CEP57L1: variants seen among roughly 807,000 people sequenced by gnomAD.
CEP57L1 encodes centrosomal protein CEP57L1.
In CEP57L1, 37 loss-of-function variants were observed where a neutral mutation model predicts 61.0. The ratio of observed to expected loss-of-function variants is 0.61; its 90% CI spans 0.47 to 0.80. The LOEUF (loss-of-function observed/expected upper bound fraction) is 0.80. Ranked by LOEUF, CEP57L1 falls within the 30% of genes least tolerant of loss-of-function variation. CEP57L1 has a pLI of 0.00. For synonymous variants in CEP57L1, 137 were observed against 162.3 expected, an observed-to-expected ratio of 0.84 and a Z score of 1.19; for missense variants, 422 against 524.7, an observed-to-expected ratio of 0.80 and a Z score of 1.91.
chr6:109,138,549 A>G (rs1329053349), intron 1 of CEP57L1, among the ~76,000 whole-genome samples: 1 of 152,218 alleles, frequency 6.6e-6, no homozygotes. Context: ...TGATCAAAGA[A>G]CATGAACTTC....
At chr6:109,153,231 CTTTTTTTTTTTT>C (rs34538762) in intron 4 of CEP57L1, among the ~76,000 whole-genome samples, 6 of 79,018 alleles carry the variant, frequency 7.6e-5, no homozygotes, top group African/African-American at 1.4e-4. Context: ...CTAATCTGCA[CTTTTTTTTTTTT>C]TTTTTTTTTT....
At chr6:109,136,561 T>A (rs1386453904) in intron 1 of CEP57L1, among the ~76,000 whole-genome samples, 103 of 138,076 alleles carry the variant, frequency 7.5e-4, no homozygotes, top group East Asian at 1.0e-3. Context: ...ACTATAAGTA[T>A]AAAAAAAAAA....
chr6:109,124,971 T>C (rs534452684), intron 1 of CEP57L1: 1 of 152,202 alleles, frequency 6.6e-6, no homozygotes, highest in East Asian at 1.9e-4. Context: ...GATTGCTTTG[T>C]TGTTTCTTAT....
chr6:109,169,285 T>C lies in CEP57L1; in HGVS notation c.*6315T>C, dbSNP rs1774297347. 6.6e-6 allele frequency among the ~76,000 whole-genome samples: 1 copy of C among 151,816 alleles called. No individual in the cohort carries two copies. Among genetic ancestry groups the C allele is most frequent in the Non-Finnish European group, 1.5e-5 (1 of 67,972 alleles). On this transcript the variant is annotated 3_prime_UTR_variant, in exon 11 of 11. Transcript: ENST00000517392. ...TCACACATAATTAAGGTAGCTTATG[T>C]TTTGTGAAACTTTGTGAGTACGGGT...
chr6:109,166,146 A>G lies in CEP57L1; in HGVS notation c.*3176A>G, dbSNP rs1774085416. Reference sequence around the variant, plus strand: ...CCCAGCCATTTTTATTAGGTTGTAGATAAAGACAGGAGGGTCAGAGGGAAA... The same window carrying G: ...CCCAGCCATTTTTATTAGGTTGTAGGTAAAGACAGGAGGGTCAGAGGGAAA... On this transcript the variant is annotated 3_prime_UTR_variant, in exon 11 of 11. Transcript: ENST00000517392. 6.6e-6 allele frequency among the ~76,000 whole-genome samples: 1 copy of G among 152,200 alleles called. No homozygotes were observed. The highest frequency in any genetic ancestry group is 6.5e-5 in the Admixed American group (1 of 15,288).
intron 1 of CEP57L1, among the ~76,000 whole-genome samples, chr6:109,107,945 AAAAG>A (rs1002352689): frequency 6.6e-6 from 1 of 152,240 alleles, no homozygotes; most frequent in African/African-American, 2.4e-5. Flanking sequence ...TGTATCAAAA[AAAAG>A]AAAAGAAAAA....
At chr6:109,111,084 A>G (rs891539511) in intron 1 of CEP57L1, among the ~76,000 whole-genome samples, 1 of 152,134 alleles carries the variant, frequency 6.6e-6, no homozygotes, top group African/African-American at 2.4e-5. Flanking sequence ...TAGCTTGATC[A>G]GGATAGCATT....
chr6:109,101,617 TTTTTTC>T (rs1782416105), intron 1 of CEP57L1, among the ~76,000 whole-genome samples: 2 of 126,784 alleles, frequency 1.6e-5, no homozygotes, highest in Admixed American at 7.5e-5. Context: ...TTTCTTTTTC[TTTTTTC>T]TTTTTTTTTT....
intron 1 of CEP57L1, among the ~76,000 whole-genome samples, chr6:109,134,375 A>C (rs1403446761): frequency 6.6e-6 from 1 of 152,214 alleles, no homozygotes; most frequent in African/African-American, 2.4e-5. Context: ...CTTCATGCTA[A>C]AAACTCTCAA....
intron 4 of CEP57L1, among the ~76,000 whole-genome samples, chr6:109,150,468 C>T (rs1172540078): frequency 6.6e-6 from 1 of 151,868 alleles, no homozygotes; most frequent in Non-Finnish European, 1.5e-5. Flanking sequence ...AAATTACTAG[C>T]CTGGCCAACA....
chr6:109,171,951 A>G lies in CEP57L1; in HGVS notation c.*8981A>G, dbSNP rs1226825938. Reference sequence around the variant, plus strand: ...CTGTTTTTGTTGTTAACCTTACCTCAGTGTTTTATCTCGGGTGGTCCCCAA... The same window carrying G: ...CTGTTTTTGTTGTTAACCTTACCTCGGTGTTTTATCTCGGGTGGTCCCCAA... On this transcript the variant is annotated 3_prime_UTR_variant, in exon 11 of 11. Transcript: ENST00000517392. 6.6e-6 allele frequency among the ~76,000 whole-genome samples: 1 copy of G among 152,076 alleles called. No individual in the cohort carries two copies. Among genetic ancestry groups the G allele is most frequent in the Non-Finnish European group, 1.5e-5 (1 of 68,004 alleles).
intron 1 of CEP57L1, among the ~76,000 whole-genome samples, chr6:109,136,507 A>G (rs997245839): frequency 4.6e-5 from 7 of 151,660 alleles, no homozygotes; most frequent in Non-Finnish European, 2.9e-5. Context: ...TGGCACATGT[A>G]TACATATGTA....
In CEP57L1 at chr6:109,169,383, AT is replaced by A. The variant is rs1383705900; in HGVS notation, c.*6414del. 6.6e-6 allele frequency among the ~76,000 whole-genome samples: 1 copy of A among 152,178 alleles called. No individual in the cohort carries two copies. The highest frequency in any genetic ancestry group is 2.4e-5 in the African/African-American group (1 of 41,450). On this transcript the variant is annotated 3_prime_UTR_variant, in exon 11 of 11. Coordinates refer to ENST00000517392, the MANE Select transcript of CEP57L1 (RefSeq NM_001271852.3). ...GGCTTTTAATAAGTATTCAGTGAGAATGAATTTGAAGGGTGTGGAGAAAAGT... is the reference window on the plus strand; with the variant it reads ...GGCTTTTAATAAGTATTCAGTGAGAAGAATTTGAAGGGTGTGGAGAAAAGT...
At chr6:109,149,116 T>C (rs996248794) in intron 3 of CEP57L1, among the ~76,000 whole-genome samples, 22 of 152,218 alleles carry the variant, frequency 1.4e-4, no homozygotes, top group Admixed American at 1.3e-3. Context: ...AGAAGCTCTT[T>C]AGTTTAATCA....
Position 109,103,486 on chromosome 6 carries a change from CAT to C in CEP57L1, c.-4+7914_-4+7915del, listed in dbSNP as rs1770567346. ...GATATTCTTTTCAGCCCTTCAAAAA[CAT>C]ATTTTCTGAAACACTGTCATACATA... On this transcript the variant is annotated intron_variant, in intron 1 of 10. Coordinates refer to ENST00000517392, the MANE Select transcript of CEP57L1 (RefSeq NM_001271852.3). 2.0e-5 allele frequency among the ~76,000 whole-genome samples: 3 copies of C among 152,156 alleles called. No individual in the cohort carries two copies. In the South Asian group the frequency reaches 6.2e-4, roughly 31 times the overall value.
intron 1 of CEP57L1, among the ~76,000 whole-genome samples, chr6:109,118,798 C>T (rs936730897): frequency 6.6e-5 from 10 of 152,252 alleles, no homozygotes; most frequent in Non-Finnish European, 1.0e-4. Context: ...ATTGCTCTGA[C>T]TTTTCGGTAG....
upstream of CEP57L1, chr6:109,095,501 C>T: frequency 1.0e-6 from 1 of 985,860 alleles, no homozygotes; most frequent in Non-Finnish European, 1.2e-6. Context: ...CCCCAGGGGC[C>T]ACCGCGACGT....
At position 109,167,705 on chromosome 6, in the gene CEP57L1, A is replaced by C. The variant is rs1306458862; in HGVS notation, c.*4735A>C. Among the ~76,000 whole-genome samples, 4 of 152,014 alleles carry C rather than the reference A, an allele frequency of 2.6e-5. No homozygotes were observed. The highest frequency in any genetic ancestry group is 4.4e-5 in the Non-Finnish European group (3 of 67,974). On this transcript the variant is annotated 3_prime_UTR_variant, in exon 11 of 11. Coordinates refer to ENST00000517392, the MANE Select transcript of CEP57L1 (RefSeq NM_001271852.3). ...GCAAAAAAAAAAAGAAAAGAAAAGA[A>C]AAAAGGAATAGCCCAGTATTGTTTG... is the stretch of plus-strand genomic sequence containing the variant.
chr6:109,126,303 A>G (rs2114730150), intron 1 of CEP57L1, among the ~76,000 whole-genome samples: 1 of 152,286 alleles, frequency 6.6e-6, no homozygotes, highest in South Asian at 2.1e-4. Flanking sequence ...GATACTCTAA[A>G]TCTCCAGCTG....
Sources: gnomAD v4.1 joint callset for allele counts (sites outside exome capture counted in the v4.1 genomes callset) on GRCh38, gnomAD v4.1.1 for gene constraint, MANE v1.5 for transcripts, NCBI Gene and HGNC (gene_info 2026-07-23, HGNC 2026-07-21) for gene names.